CFAP74: variants seen among roughly 807,000 people sequenced by gnomAD.
CFAP74 encodes cilia and flagella associated protein 74.
A neutral mutation model predicts 188.9 loss-of-function variants in CFAP74; 124 were observed. The observed-to-expected ratio is 0.66, with a 90% CI of 0.57 to 0.76. CFAP74 has a LOEUF of 0.76. CFAP74 is among the 30% of genes least tolerant of loss of function. The probability of loss-of-function intolerance (pLI) is 0.00; values close to 1 mark genes in which losing one functional copy is unlikely to be tolerated. For missense variants in CFAP74, 2,198 were observed against 2,165.2 expected (o/e 1.02, Z -0.30); for synonymous variants, 956 against 916.7 (o/e 1.04, Z -0.77).
rs759660777 is a variant in CFAP74 at position 1,930,241 on chromosome 1, G to T, written c.3107C>A (p.Thr1036Asn). The T allele has an allele frequency of 6.5e-7, 1 of 1,535,758 alleles. No individual in the cohort carries two copies. Among genetic ancestry groups the T allele is most frequent in the South Asian group, 1.2e-5 (1 of 84,066 alleles). The change falls in exon 26 of 39, where the codon ACC (threonine) becomes AAC (asparagine). Residue 1036 changes from threonine (T) to asparagine (N), a missense_variant. Thr to Asn is a moderately conservative substitution (Grantham distance 65). Transcript: ENST00000682832. ...GATGACGTACACTGTAGCCACGGAG[G>T]TGTCGTATAGGGCCGTGGCGGCAAA... ...IKFAATALYDTSVATVYVINS... is the reference protein window; with the variant it reads ...IKFAATALYDNSVATVYVINS...
chr1:1,977,944 A>T (rs1022070744), intron 6 of CFAP74, among the ~76,000 whole-genome samples: 3 of 152,148 alleles, frequency 2.0e-5, no homozygotes, highest in African/African-American at 7.2e-5. Flanking sequence ...GGCTTGCTTA[A>T]TCAATCCTCC....
intron 1 of CFAP74, among the ~76,000 whole-genome samples, chr1:1,993,086 A>G (rs961747103): frequency 6.6e-6 from 1 of 150,684 alleles, no homozygotes; most frequent in Non-Finnish European, 1.5e-5. Flanking sequence ...CTGTAGTCCC[A>G]GCTACTTGGG....
intron 21 of CFAP74, among the ~76,000 whole-genome samples, chr1:1,943,384 C>A (rs538128236): frequency 6.6e-6 from 1 of 152,324 alleles, no homozygotes; most frequent in East Asian, 1.9e-4. Context: ...CCACAGGAGT[C>A]CGACAGCAGG....
chr1:1,988,985 G>T lies in CFAP74; in HGVS notation c.68-12C>A. Reference sequence around the variant, plus strand: ...TAATTCATCTCTTTCTAGAAATCAAGGCAAGAGTTTAAAAAAAAAAAAAAG... The same window carrying T: ...TAATTCATCTCTTTCTAGAAATCAATGCAAGAGTTTAAAAAAAAAAAAAAG... On this transcript the variant is annotated splice_polypyrimidine_tract_variant and intron_variant, in intron 2 of 38. Transcript: ENST00000682832. 3 of 1,323,068 alleles carry T rather than the reference G, an allele frequency of 2.3e-6. No homozygotes were observed. The highest frequency in any genetic ancestry group is 2.1e-6 in the Non-Finnish European group (2 of 946,326). 82.0% of individuals were successfully genotyped at this position (1,323,068 alleles called of 1,614,324 possible).
In CFAP74 at chr1:1,963,862, A is replaced by C; in HGVS notation, c.1581T>G (p.Phe527Leu). 2.5e-6 allele frequency: 4 copies of C among 1,610,152 alleles called. No homozygotes were observed. The highest frequency in any genetic ancestry group is 3.4e-6 in the Non-Finnish European group (4 of 1,176,582). ...SKPELLHFQD[F>L]DIGKVYKKKI... The stretch of plus-strand genomic sequence containing the variant: ...TTTTCTTGTACACTTTGCCAATATC[A>C]AAGTCCTGGGAAAGGCCGAGGTAGC... The change falls in exon 14 of 39, where the codon TTT (phenylalanine) becomes TTG (leucine). Residue 527 changes from phenylalanine to leucine, a missense_variant. Phe to Leu is a conservative substitution (Grantham distance 22). Transcript: ENST00000682832.
intron 1 of CFAP74, among the ~76,000 whole-genome samples, chr1:1,993,432 C>G (rs992917407): frequency 6.6e-6 from 1 of 151,412 alleles, no homozygotes; most frequent in Non-Finnish European, 1.5e-5. Context: ...ACTACAGGCA[C>G]GCACCACCAC....
chr1:1,971,866 C>T (rs978522727), intron 9 of CFAP74, 114 bp downstream of exon 9: 10 of 783,350 alleles, frequency 1.3e-5, no homozygotes, highest in East Asian at 7.7e-5. Context: ...ACCAAGTGCG[C>T]GGGTCAGCCC....
At chr1:1,940,888 G>A (rs182670796) in intron 22 of CFAP74, among the ~76,000 whole-genome samples, 131 of 152,256 alleles carry the variant, frequency 8.6e-4, no homozygotes, top group African/African-American at 3.0e-3. Context: ...TGAGGCGCGC[G>A]GATCACGAGG....
Position 1,987,039 on chromosome 1 carries a change from G to C in CFAP74, c.297-4C>G. 1.9e-6 allele frequency: 3 copies of C among 1,591,364 alleles called. No homozygotes were observed. Among genetic ancestry groups the C allele is most frequent in the Non-Finnish European group, 2.6e-6 (3 of 1,171,736 alleles). On this transcript the variant is annotated splice_region_variant and splice_polypyrimidine_tract_variant and intron_variant, in intron 4 of 38. Coordinates refer to ENST00000682832, the MANE Select transcript of CFAP74 (RefSeq NM_001304360.2). ...CCGACAGGCGCGCAGCTCCCCTCTG[G>C]AACAGGGAAACAAAGGTCAGATGAT... is the stretch of plus-strand genomic sequence containing the variant.
Position 1,926,856 on chromosome 1 carries a change from G to A in CFAP74, c.3662+38C>T, listed in dbSNP as rs186232140. On this transcript the variant is annotated intron_variant, in intron 29 of 38. Transcript: ENST00000682832. The stretch of plus-strand genomic sequence containing the variant: ...AGTAGCAGAGGGACAGCGCGTTTGC[G>A]GCTGACCACACCCTGTTCTGGCCAG... 3.5e-3 allele frequency: 5,479 copies of A among 1,549,450 alleles called. 12 individuals are homozygous for A. The highest frequency in any genetic ancestry group is 4.4e-3 in the Non-Finnish European group (5,086 of 1,146,408).
intron 1 of CFAP74, among the ~76,000 whole-genome samples, chr1:1,992,889 T>C (rs1168382134): frequency 6.6e-6 from 1 of 152,068 alleles, no homozygotes; most frequent in African/African-American, 2.4e-5. Context: ...TGTCCAGATG[T>C]TGGAACTAAA....
intron 9 of CFAP74, 119 bp downstream of exon 9, chr1:1,971,861 G>T: frequency 1.3e-6 from 1 of 744,740 alleles, no homozygotes; most frequent in East Asian, 2.6e-5. Context: ...GGGTCACCAA[G>T]TGCGCGGGTC....
At chr1:1,994,663 G>C (rs6675751) in intron 1 of CFAP74, among the ~76,000 whole-genome samples, 84,762 of 152,148 alleles carry the variant, frequency 0.56, 26,816 homozygotes, top group African/African-American at 0.87. Flanking sequence ...CCTCCGCGAC[G>C]TCATTTTGCT....
At chr1:1,963,463 A>C (rs1435077523) in intron 14 of CFAP74, among the ~76,000 whole-genome samples, 2 of 147,550 alleles carry the variant, frequency 1.4e-5, no homozygotes, top group Non-Finnish European at 3.0e-5. Context: ...TCTCAAAAAA[A>C]AAAAAAAAAA....
rs1387502071 is a variant in CFAP74 at position 1,974,130 on chromosome 1, T to A, written c.569A>T (p.Glu190Val). 6.2e-7 allele frequency: 1 copy of A among 1,612,396 alleles called. No individual in the cohort carries two copies. Among genetic ancestry groups the A allele is most frequent in the Admixed American group, 1.7e-5 (1 of 59,874 alleles). The change falls in exon 7 of 39, where the codon GAG becomes GTG. Residue 190 changes from glutamate (E) to valine (V), a missense_variant. Glu to Val is a moderately radical substitution (Grantham distance 121). Transcript: ENST00000682832. ...GAGCCGCCGCCCCGTGGCCTCCACCTCCTCACGGTCAGCTGTCCGGAAGGC... is the reference window on the plus strand; with the variant it reads ...GAGCCGCCGCCCCGTGGCCTCCACCACCTCACGGTCAGCTGTCCGGAAGGC... ...LEAFRTADRE[E>V]VEATGRRLQV...
chr1:1,946,331 G>A lies in CFAP74; in HGVS notation c.2350C>T (p.Pro784Ser). The change falls in exon 20 of 39, where the codon CCC becomes TCC. Residue 784 changes from proline (P) to serine (S), a missense_variant. By Grantham distance (74) the Pro-to-Ser change is moderately conservative (BLOSUM62 -1). Transcript: ENST00000682832. ...GGAATACTCACCGTGGGGCACTGGG[G>A]GTTCTTAAACGTGACTTTGAACCTG... is the stretch of plus-strand genomic sequence containing the variant. ...QARFKVTFKNPQCPTLHFRVV... is the reference protein window; with the variant it reads ...QARFKVTFKNSQCPTLHFRVV... The A allele has an allele frequency of 6.5e-7, 1 of 1,536,166 alleles. No individual in the cohort carries two copies. Among genetic ancestry groups the A allele is most frequent in the African/African-American group, 1.4e-5 (1 of 73,158 alleles).
intron 23 of CFAP74, 60 bp downstream of exon 23, chr1:1,940,256 C>T: frequency 1.5e-6 from 2 of 1,358,784 alleles, no homozygotes; most frequent in East Asian, 2.5e-5. Context: ...CCTGGCCTCC[C>T]AGGAAAGCCC....
At chr1:1,966,604 C>T in intron 11 of CFAP74, 78 bp from the exon 12 acceptor site, 1 of 1,318,446 alleles carries the variant, frequency 7.6e-7, no homozygotes. Flanking sequence ...CCAGCCCCCG[C>T]CGGTATGGCC....
chr1:1,974,568 C>T (rs956687357), intron 6 of CFAP74, among the ~76,000 whole-genome samples: 1 of 152,034 alleles, frequency 6.6e-6, no homozygotes, highest in Non-Finnish European at 1.5e-5. Context: ...CTGGAGGATC[C>T]CTGGTGCAAA....
Sources: gnomAD v4.1 joint callset for allele counts (sites outside exome capture counted in the v4.1 genomes callset) on GRCh38, gnomAD v4.1.1 for gene constraint, MANE v1.5 for transcripts, NCBI Gene and HGNC (gene_info 2026-07-23, HGNC 2026-07-21) for gene names.